Variants in DEF6 observed in about 807,000 individuals in gnomAD.
DEF6 encodes the protein differentially expressed in FDCP 6 homolog.
A neutral mutation model predicts 80.5 loss-of-function variants in DEF6; 32 were observed. That is an observed-to-expected ratio of 0.40 (90% confidence interval 0.30 to 0.53). The LOEUF (loss-of-function observed/expected upper bound fraction) is 0.53. Among genes scored for constraint, DEF6 ranks in the 20% least tolerant of loss-of-function variants. DEF6 has a pLI of 0.57. For synonymous variants in DEF6, 300 were observed against 337.9 expected (o/e 0.89, Z 1.23); for missense variants, 575 against 818.7 (o/e 0.70, Z 3.63).
At position 35,319,909 on chromosome 6, in the gene DEF6, G is replaced by T; in HGVS notation, c.1473G>T (p.Lys491Asn). The T allele has an allele frequency of 6.4e-7, 1 of 1,573,174 alleles. No homozygotes were observed. The highest frequency in any genetic ancestry group is 2.3e-5 in the East Asian group (1 of 42,958). Reference sequence around the variant, plus strand: ...ACATCGAACGGGCGCAGCAGGAGAAGGAAGAGCTGCAGCAGGAGATGGCAC... The same window carrying T: ...ACATCGAACGGGCGCAGCAGGAGAATGAAGAGCTGCAGCAGGAGATGGCAC... Reference protein sequence around the residue: ...ERYIERAQQEKEELQQEMAQQ... With the variant: ...ERYIERAQQENEELQQEMAQQ... Residue 491 changes from lysine to asparagine, a missense_variant, in exon 9 of 11, where the codon AAG becomes AAT. By Grantham distance (94) the Lys-to-Asn change is moderately conservative. Coordinates refer to ENST00000316637, the MANE Select transcript of DEF6 (RefSeq NM_022047.4). This position sits in a 1 kb window ranked among gnomAD's most constrained non-coding sequence, Gnocchi z 4.5.
chr6:35,300,593 C>A (rs1397290646), intron 1 of DEF6, among the ~76,000 whole-genome samples: 3 of 152,230 alleles, frequency 2.0e-5, no homozygotes, highest in Non-Finnish European at 4.4e-5. Flanking sequence ...CCAGATACTT[C>A]TTTCTCTCTT....
rs753277366 is a variant in DEF6 at position 35,309,756 on chromosome 6, C to T, written c.183C>T (p.Gly61=). 1 of 1,613,956 alleles carries T rather than the reference C, an allele frequency of 6.2e-7. No homozygotes were observed. Among genetic ancestry groups the T allele is most frequent in the African/African-American group, 1.3e-5 (1 of 74,878 alleles). The part of the protein sequence containing the change: ...LEEHFRDDDD[G]PVSSQGYMPY... ...AACACTTCCGAGATGATGATGACGG[C>T]CCTGTGTCCAGCCAGGGATACATGC... The change falls in exon 2 of 11, where the codon GGC becomes GGT. Residue 61 remains glycine (G), a synonymous_variant. Transcript: ENST00000316637.
intron 1 of DEF6, among the ~76,000 whole-genome samples, chr6:35,303,075 A>G (rs1056177644): frequency 6.6e-6 from 1 of 151,514 alleles, no homozygotes; most frequent in Non-Finnish European, 1.5e-5. Context: ...CCCCTACCGC[A>G]CCCAGGCACA....
At chr6:35,300,138 C>T (rs560486694) in intron 1 of DEF6, among the ~76,000 whole-genome samples, 1 of 152,338 alleles carries the variant, frequency 6.6e-6, no homozygotes, top group African/African-American at 2.4e-5. Context: ...CTTCCTACTT[C>T]AGCCTCCTGA....
In DEF6 at chr6:35,318,470, A is replaced by C; in HGVS notation, c.1214A>C (p.Gln405Pro). Residue 405 changes from glutamine (Q) to proline (P), a missense_variant and splice_region_variant, in exon 7 of 11, where the codon CAG becomes CCG. Gln to Pro is a moderately conservative substitution (Grantham distance 76, BLOSUM62 -1). Coordinates refer to ENST00000316637, the MANE Select transcript of DEF6 (RefSeq NM_022047.4). The surrounding 1 kb of genome is among the most constrained non-coding windows in gnomAD (Gnocchi z 5.1). The stretch of plus-strand genomic sequence containing the variant: ...GAGGGCCAACTGCGCGAGGCGGAGC[A>C]GGTGGGGTTAGCTCCCGGCGCCGGG... ...ALEGQLREAE[Q>P]ARASMQAEME... The C allele has an allele frequency of 7.1e-7, 1 of 1,413,874 alleles. No homozygotes were observed. Among genetic ancestry groups the C allele is most frequent in the East Asian group, 2.9e-5 (1 of 34,702 alleles). 87.6% of individuals were successfully genotyped at this position (1,413,874 alleles called of 1,614,324 possible). A position where few individuals can be genotyped will look rare whatever the true frequency, so the allele number is the denominator to read the frequency against.
At chr6:35,305,984 C>G (rs537182042) in intron 1 of DEF6, among the ~76,000 whole-genome samples, 3 of 152,008 alleles carry the variant, frequency 2.0e-5, no homozygotes, top group Non-Finnish European at 4.4e-5. Context: ...CCTCTGCCTC[C>G]TGGGTTCAAC....
In DEF6 at chr6:35,319,595, G is replaced by A. The variant is rs1338717176; in HGVS notation, c.1287G>A (p.Lys429=). 1 of 1,614,120 alleles carries A rather than the reference G, an allele frequency of 6.2e-7. No individual in the cohort carries two copies. The highest frequency in any genetic ancestry group is 1.7e-5 in the Admixed American group (1 of 60,012). ...EEAARQRQRI[K]ELEEMQQRLQ... The stretch of plus-strand genomic sequence containing the variant: ...CTGCCCGGCAGCGGCAGCGCATCAA[G>A]GAGCTGGAGGAGATGCAGCAGCGGT... Residue 429 remains lysine, a synonymous_variant, in exon 8 of 11, where the codon AAG becomes AAA. Coordinates refer to ENST00000316637, the MANE Select transcript of DEF6 (RefSeq NM_022047.4). The surrounding 1 kb of genome is among the most constrained non-coding windows in gnomAD (Gnocchi z 4.5).
intron 1 of DEF6, 113 bp downstream of exon 1, chr6:35,298,065 G>A (rs897439196): frequency 1.0e-4 from 101 of 973,662 alleles, no homozygotes; most frequent in African/African-American, 8.6e-4. Flanking sequence ...GCCATCCAGC[G>A]TCCCGGGCCT....
rs1791547758 is a variant in DEF6 at position 35,318,368 on chromosome 6, A to C, written c.1112A>C (p.Gln371Pro). 6.5e-7 allele frequency: 1 copy of C among 1,539,950 alleles called. No individual in the cohort carries two copies. The highest frequency in any genetic ancestry group is 2.0e-5 in the Admixed American group (1 of 50,896). The change falls in exon 7 of 11, where the codon CAG becomes CCG. Residue 371 changes from glutamine to proline, a missense_variant. Coordinates refer to ENST00000316637, the MANE Select transcript of DEF6 (RefSeq NM_022047.4). The surrounding 1 kb of genome is among the most constrained non-coding windows in gnomAD (Gnocchi z 5.1). ...LQELELLQEA[Q>P]RQAERLLQEE... is the part of the protein sequence containing the mutation. ...GAGCTGGAGCTGCTGCAGGAGGCGC[A>C]GCGGCAGGCCGAGCGGCTGCTGCAG...
Position 35,318,025 on chromosome 6 carries a change from T to A in DEF6, c.916+26T>A, listed in dbSNP as rs368563247. 18 of 1,601,696 alleles carry A rather than the reference T, an allele frequency of 1.1e-5. No homozygotes were observed. The highest frequency in any genetic ancestry group is 1.5e-5 in the Non-Finnish European group (18 of 1,173,740). On this transcript the variant is annotated intron_variant, in intron 6 of 10. Coordinates refer to ENST00000316637, the MANE Select transcript of DEF6 (RefSeq NM_022047.4). The surrounding 1 kb of genome is among the most constrained non-coding windows in gnomAD (Gnocchi z 5.1). ...GTGAGTGCTCGCTAGGTGGCTTGGGTCTGGGTGGTCCTTAGGCGCCTCATC... is the reference window on the plus strand; with the variant it reads ...GTGAGTGCTCGCTAGGTGGCTTGGGACTGGGTGGTCCTTAGGCGCCTCATC...
intron 10 of DEF6, 100 bp from the exon 11 acceptor site, chr6:35,321,087 C>T: frequency 6.5e-7 from 1 of 1,545,886 alleles, no homozygotes; most frequent in Non-Finnish European, 8.9e-7. Context: ...GCAGGACTGG[C>T]AGTCAGGAGG....
chr6:35,301,725 G>GTT (rs374755263), intron 1 of DEF6, among the ~76,000 whole-genome samples: 1 of 40,994 alleles, frequency 2.4e-5, no homozygotes, highest in Non-Finnish European at 5.1e-5. Context: ...AAGGAGCTGT[G>GTT]TCTTTTTTTT....
rs760818846 is a variant in DEF6 at position 35,312,720 on chromosome 6, A to G, written c.755A>G (p.Glu252Gly). ...PSCLCYFGSEECKEKRGIIPL... is the reference protein window; with the variant it reads ...PSCLCYFGSEGCKEKRGIIPL... ...TGCCTCTGCTACTTTGGGAGTGAAG[A>G]GTGCAAAGAGAAAAGGGGCATTATC... The change falls in exon 5 of 11, where the codon GAG (glutamate) becomes GGG (glycine). Residue 252 changes from glutamate (E) to glycine (G), a missense_variant. Physicochemically the swap from Glu to Gly is moderately conservative, Grantham distance 98 (BLOSUM62 -2). Transcript: ENST00000316637. The surrounding 1 kb of genome is among the most constrained non-coding windows in gnomAD (Gnocchi z 6.6). 1 of 1,613,018 alleles carries G rather than the reference A, an allele frequency of 6.2e-7. No homozygotes were observed. Among genetic ancestry groups the G allele is most frequent in the Admixed American group, 1.7e-5 (1 of 59,822 alleles).
rs144002338 is a variant in DEF6, at chr6:35,307,743, C to T, written c.97-1927C>T. Among the ~76,000 whole-genome samples, 1,197 of 152,278 alleles carry T rather than the reference C, an allele frequency of 7.9e-3. 76 individuals are homozygous for T. Among genetic ancestry groups the T allele is most frequent in the Admixed American group, 0.073 (1,124 of 15,296 alleles). On this transcript the variant is annotated intron_variant, in intron 1 of 10. Coordinates refer to ENST00000316637, the MANE Select transcript of DEF6 (RefSeq NM_022047.4). The stretch of plus-strand genomic sequence containing the variant: ...AATGAGGGAAAAAAAGGAAATACTC[C>T]CTTCCTGGGATCTCCCACTTCCCAG...
At chr6:35,308,785 C>A in intron 1 of DEF6, among the ~76,000 whole-genome samples, 1 of 148,506 alleles carries the variant, frequency 6.7e-6, no homozygotes, top group East Asian at 2.0e-4. Context: ...TTAAATAAAC[C>A]ACCTCCTACA....
At position 35,312,447 on chromosome 6, in the gene DEF6, C is replaced by T. The variant is rs761408118; in HGVS notation, c.569C>T (p.Ser190Leu). Residue 190 changes from serine (S) to leucine (L), a missense_variant, in exon 4 of 11, where the codon TCG (serine) becomes TTG (leucine). By Grantham distance (145) the Ser-to-Leu change is moderately radical. Coordinates refer to ENST00000316637, the MANE Select transcript of DEF6 (RefSeq NM_022047.4). This position sits in a 1 kb window ranked among gnomAD's most constrained non-coding sequence, Gnocchi z 6.6. ...SVWQFLELFN[S>L]GRCLRGVGRD... The stretch of plus-strand genomic sequence containing the variant: ...TGGCAGTTCCTGGAGCTCTTCAATT[C>T]GGGCCGCTGCCTGCGGGGCGTGGGC... 8.1e-6 allele frequency: 13 copies of T among 1,614,126 alleles called. No homozygotes were observed. The East Asian group carries it at 1.3e-4, about 17-fold the overall frequency.
chr6:35,307,129 G>A (rs1272834406), intron 1 of DEF6, among the ~76,000 whole-genome samples: 1 of 152,256 alleles, frequency 6.6e-6, no homozygotes, highest in African/African-American at 2.4e-5. Context: ...CGGGCGCAGT[G>A]GCTCACGCCC....
At chr6:35,298,934 G>A (rs1428638610) in intron 1 of DEF6, among the ~76,000 whole-genome samples, 3 of 152,190 alleles carry the variant, frequency 2.0e-5, no homozygotes, top group African/African-American at 4.8e-5. Flanking sequence ...CAAAGGAGAC[G>A]TGTGGTCTCA....
At chr6:35,298,043 C>A in intron 1 of DEF6, 91 bp downstream of exon 1, 1 of 1,119,612 alleles carries the variant, frequency 8.9e-7, no homozygotes, top group Non-Finnish European at 1.3e-6. Flanking sequence ...TGTGCCACTC[C>A]AGGGGCACCC....
Sources: gnomAD v4.1 joint callset for allele counts (sites outside exome capture counted in the v4.1 genomes callset) on GRCh38, gnomAD v4.1.1 for gene constraint, Gnocchi (gnomAD v3.1) non-coding constraint, MANE v1.5 for transcripts, NCBI Gene and HGNC (gene_info 2026-07-23, HGNC 2026-07-21) for gene names.